The following ESRRG variants were observed in gnomAD, a reference collection of about 807,000 sequenced individuals.
ESRRG encodes the protein estrogen-related receptor gamma.
In ESRRG, 13 loss-of-function variants were observed where a neutral mutation model predicts 44.0. The ratio of observed to expected loss-of-function variants is 0.30; its 90% confidence interval spans 0.19 to 0.47. The LOEUF (loss-of-function observed/expected upper bound fraction) is 0.47, where lower values mean the gene tolerates loss of function less well. ESRRG is among the 20% of genes least tolerant of loss of function. The pLI is 1.00. For synonymous variants in ESRRG, 215 were observed against 214.6 expected, an observed-to-expected ratio of 1.00 and a Z score of -0.02; for missense variants, 395 against 580.6, an observed-to-expected ratio of 0.68 and a Z score of 3.29.
At chr1:216,899,065 A>C (rs1261225728) in intron 2 of ESRRG, among the ~76,000 whole-genome samples, 2 of 152,210 alleles carry the variant, frequency 1.3e-5, no homozygotes, top group Non-Finnish European at 2.9e-5. Flanking sequence ...CAGGAGAAGT[A>C]GTAACAGGGT....
chr1:216,780,221 T>C (rs1377725659), intron 2 of ESRRG, among the ~76,000 whole-genome samples: 1 of 152,032 alleles, frequency 6.6e-6, no homozygotes, highest in Non-Finnish European at 1.5e-5. Context: ...ATTCACATTA[T>C]GGATTCCAAG....
chr1:216,506,869 T>C lies in ESRRG; in HGVS notation c.*70A>G. 1 of 1,533,274 alleles carries C rather than the reference T, an allele frequency of 6.5e-7. No homozygotes were observed. Among genetic ancestry groups the C allele is most frequent in the African/African-American group, 1.4e-5 (1 of 72,242 alleles). The allele number at this position is 1,533,274 out of a possible 1,614,324, so 95.0% of individuals were successfully genotyped here. On this transcript the variant is annotated 3_prime_UTR_variant, in exon 7 of 7. Transcript: ENST00000408911. ...TGTTGTTAACTAAACTCTAAGTTTC[T>C]TCGACATCACTCTTGGGTTTATTTT...
chr1:216,926,009 T>C (rs996071362), intron 2 of ESRRG, among the ~76,000 whole-genome samples: 1 of 152,016 alleles, frequency 6.6e-6, no homozygotes, highest in Non-Finnish European at 1.5e-5. Flanking sequence ...GAGAAAACAA[T>C]CTGAGCGAGC....
At chr1:216,906,610 G>A (rs2059711651) in intron 2 of ESRRG, among the ~76,000 whole-genome samples, 1 of 152,104 alleles carries the variant, frequency 6.6e-6, no homozygotes, top group African/African-American at 2.4e-5. Context: ...ACAAAAGATG[G>A]GCATTGTGAA....
At chr1:216,546,077 CTAT>C (rs2054410023) in intron 5 of ESRRG, among the ~76,000 whole-genome samples, 1 of 152,062 alleles carries the variant, frequency 6.6e-6, no homozygotes, top group African/African-American at 2.4e-5. Flanking sequence ...AACATCAGCA[CTAT>C]TGACATAATT....
chr1:217,116,656 C>G (rs1248610748), intron 1 of ESRRG, among the ~76,000 whole-genome samples: 1 of 152,174 alleles, frequency 6.6e-6, no homozygotes, highest in East Asian at 1.9e-4. Context: ...CATCCTGTTA[C>G]TGAGACTGTA....
At chr1:217,046,747 G>C (rs138838744) in intron 1 of ESRRG, among the ~76,000 whole-genome samples, 1 of 152,064 alleles carries the variant, frequency 6.6e-6, no homozygotes, top group Non-Finnish European at 1.5e-5. Flanking sequence ...GCCAGGTGTG[G>C]TGGTATGCAC....
intron 6 of ESRRG, among the ~76,000 whole-genome samples, chr1:216,513,833 T>G (rs1007260034): frequency 2.0e-5 from 3 of 152,146 alleles, no homozygotes; most frequent in African/African-American, 7.2e-5. Flanking sequence ...ATAAAGACAA[T>G]TATAGTATAC....
chr1:216,795,945 C>T (rs899626391), intron 2 of ESRRG, among the ~76,000 whole-genome samples: 15 of 152,064 alleles, frequency 9.9e-5, no homozygotes, highest in Non-Finnish European at 1.9e-4. Context: ...GGGATATCAA[C>T]AAGAAGCAGG....
intron 1 of ESRRG, among the ~76,000 whole-genome samples, chr1:217,065,221 A>G (rs2089431124): frequency 6.6e-6 from 1 of 152,240 alleles, no homozygotes; most frequent in Non-Finnish European, 1.5e-5. Context: ...ATGGCAACTT[A>G]GGTTTCATAC....
intron 2 of ESRRG, among the ~76,000 whole-genome samples, chr1:216,673,194 G>A (rs1231701860): frequency 1.3e-5 from 2 of 152,194 alleles, no homozygotes; most frequent in African/African-American, 2.4e-5. Context: ...ATTGGAATAA[G>A]AGTCTGGGCC....
At position 216,927,296 on chromosome 1, in the gene ESRRG, G is replaced by A. The variant is rs900920251; in HGVS notation, c.-14+12286C>T. On this transcript the variant is annotated intron_variant, in intron 2 of 7. Coordinates refer to the ESRRG transcript ENST00000359162. ...GGGCAATGTTCCTTTTTGCTTAGAA[G>A]GGACCTGCCTGCTAATCACCTGCAA... 2.6e-5 allele frequency among the ~76,000 whole-genome samples: 4 copies of A among 152,176 alleles called. No homozygotes were observed. In the East Asian group the frequency reaches 5.8e-4, roughly 22 times the overall value.
intron 3 of ESRRG, among the ~76,000 whole-genome samples, chr1:216,594,510 C>T (rs1358906293): frequency 6.6e-6 from 1 of 152,148 alleles, no homozygotes; most frequent in Non-Finnish European, 1.5e-5. Flanking sequence ...CTTCTATCAA[C>T]CCTGCCTTTT....
intron 2 of ESRRG, among the ~76,000 whole-genome samples, chr1:216,936,003 G>A (rs1325454196): frequency 1.3e-5 from 2 of 152,062 alleles, no homozygotes; most frequent in Non-Finnish European, 2.9e-5. Context: ...CCTGGAGGAT[G>A]AGGGGTATGG....
intron 1 of ESRRG, among the ~76,000 whole-genome samples, chr1:217,108,157 G>C (rs961674572): frequency 1.3e-5 from 2 of 152,090 alleles, no homozygotes; most frequent in Non-Finnish European, 1.5e-5. Context: ...TGCCAAAAGA[G>C]ACCAAATACA....
chr1:217,115,466 C>T (rs1408240558), intron 1 of ESRRG, among the ~76,000 whole-genome samples: 1 of 152,076 alleles, frequency 6.6e-6, no homozygotes, highest in Non-Finnish European at 1.5e-5. Context: ...TTCCCCTACC[C>T]ACCCAACAAC....
chr1:216,755,893 C>T (rs1022476811), intron 2 of ESRRG, among the ~76,000 whole-genome samples: 1 of 152,016 alleles, frequency 6.6e-6, no homozygotes, highest in Non-Finnish European at 1.5e-5. Context: ...ATACTTTCCT[C>T]CTGGATGAGG....
chr1:216,678,354 A>G (rs1279290193), intron 1 of ESRRG, among the ~76,000 whole-genome samples: 6 of 152,244 alleles, frequency 3.9e-5, no homozygotes, highest in Non-Finnish European at 8.8e-5. Context: ...GTAAGTCCAC[A>G]AATCTGATAT....
chr1:216,973,852 GATGA>G (rs2072277754), intron 1 of ESRRG, among the ~76,000 whole-genome samples: 1 of 150,950 alleles, frequency 6.6e-6, no homozygotes, highest in Admixed American at 6.6e-5. Flanking sequence ...AGAATAAAAG[GATGA>G]ATGAATGAAT....
Sources: allele counts gnomAD v4.1 joint callset (sites outside exome capture counted in the v4.1 genomes callset), GRCh38; gene constraint gnomAD v4.1.1; transcripts MANE v1.5; gene names NCBI Gene and HGNC (gene_info 2026-07-23, HGNC 2026-07-21).